SH3D19: variants seen among roughly 807,000 people sequenced by gnomAD.
The protein encoded by SH3D19 is SH3 domain containing 19.
Under a neutral mutation model 112.1 loss-of-function variants are expected in SH3D19, and 58 were observed. That is an observed-to-expected ratio of 0.52 (90% CI 0.42 to 0.64). The LOEUF is 0.64. Ranked by LOEUF, SH3D19 falls within the 30% of genes least tolerant of loss-of-function variation. The pLI is 0.00. For synonymous variants in SH3D19, 391 were observed against 448.5 expected (o/e 0.87, Z 1.62); for missense variants, 1,090 against 1,263.4 (o/e 0.86, Z 2.08).
At chr4:151,301,204 CAG>C (rs1728381009) in intron 1 of SH3D19, among the ~76,000 whole-genome samples, 1 of 152,202 alleles carries the variant, frequency 6.6e-6, no homozygotes, top group South Asian at 2.1e-4. Flanking sequence ...GTTCTCACAA[CAG>C]AGTTCTCGTG....
At chr4:151,309,933 T>G (rs1729278215) in intron 1 of SH3D19, among the ~76,000 whole-genome samples, 1 of 152,078 alleles carries the variant, frequency 6.6e-6, no homozygotes, top group South Asian at 2.1e-4. Context: ...AAGGCTATAG[T>G]GAGCAGAGAT....
At chr4:151,223,265 C>T (rs1158306864) in intron 2 of SH3D19, among the ~76,000 whole-genome samples, 1 of 151,786 alleles carries the variant, frequency 6.6e-6, no homozygotes, top group Non-Finnish European at 1.5e-5. Context: ...GTTTTAGCTG[C>T]CACTGATGAT....
intron 15 of SH3D19, among the ~76,000 whole-genome samples, 160 bp downstream of exon 15, chr4:151,134,914 C>A (rs886779168): frequency 1.3e-5 from 2 of 152,138 alleles, no homozygotes; most frequent in Non-Finnish European, 2.9e-5. Flanking sequence ...TCTTGAACTC[C>A]TGGCATCAAG....
intron 1 of SH3D19, among the ~76,000 whole-genome samples, chr4:151,265,580 T>C (rs1580357102): frequency 6.8e-6 from 1 of 147,456 alleles, no homozygotes; most frequent in African/African-American, 2.5e-5. Context: ...TTTTTTTTTT[T>C]TTTTTTTTTT....
chr4:151,208,949 T>C (rs1453625943), intron 2 of SH3D19, among the ~76,000 whole-genome samples: 1 of 152,150 alleles, frequency 6.6e-6, no homozygotes, highest in Non-Finnish European at 1.5e-5. Context: ...AGTGCTGGGA[T>C]TACAGGCTTG....
Position 151,175,213 on chromosome 4 carries a change from C to T in SH3D19, c.991G>A (p.Gly331Arg). 1 of 1,614,176 alleles carries T rather than the reference C, an allele frequency of 6.2e-7. No individual in the cohort carries two copies. Among genetic ancestry groups the T allele is most frequent in the South Asian group, 1.1e-5 (1 of 91,078 alleles). The change falls in exon 7 of 20, where the codon GGG becomes AGG. Residue 331 changes from glycine (G) to arginine (R), a missense_variant. By Grantham distance (125) the Gly-to-Arg change is moderately radical (BLOSUM62 -2). Transcript: ENST00000604030. ...GGTTTGGGAGCTACAGAAGGTTTCC[C>T]TGAGGAAACAGTAGGCTTTGGAGGA... ...SLPPKPTVSS[G>R]KPSVAPKPAA...
At chr4:151,134,712 G>A (rs1305185271) in intron 15 of SH3D19, among the ~76,000 whole-genome samples, 2 of 152,138 alleles carry the variant, frequency 1.3e-5, no homozygotes, top group African/African-American at 4.8e-5. Flanking sequence ...AGTTGCTTAG[G>A]TAAGCTTCTA....
intron 1 of SH3D19, among the ~76,000 whole-genome samples, chr4:151,241,245 T>G (rs1770531172): frequency 6.6e-6 from 1 of 151,976 alleles, no homozygotes; most frequent in Non-Finnish European, 1.5e-5. Context: ...TGAGCTATGA[T>G]TGTGCCACTG....
At chr4:151,316,024 G>A (rs1729950784) in intron 1 of SH3D19, among the ~76,000 whole-genome samples, 1 of 152,022 alleles carries the variant, frequency 6.6e-6, no homozygotes, top group South Asian at 2.1e-4. Context: ...GAGAGTGGAC[G>A]CCAATGCCAA....
At chr4:151,204,326 A>G (rs962069530) in intron 2 of SH3D19, among the ~76,000 whole-genome samples, 4 of 152,246 alleles carry the variant, frequency 2.6e-5, no homozygotes, top group African/African-American at 9.6e-5. Context: ...ATACAAAGAC[A>G]GAATATTTGG....
intron 2 of SH3D19, among the ~76,000 whole-genome samples, chr4:151,194,016 A>ATTTTTTTTTTTTTTTTTTTTTT: frequency 1.8e-5 from 2 of 111,896 alleles, no homozygotes; most frequent in African/African-American, 8.9e-5. Flanking sequence ...AGTAGGATTA[A>ATTTTTTTTTTTTTTTTTTTTTT]TTTTTTTTTT....
chr4:151,229,495 A>ATC (rs2149954742), intron 1 of SH3D19, among the ~76,000 whole-genome samples: 1 of 152,236 alleles, frequency 6.6e-6, no homozygotes, highest in East Asian at 1.9e-4. Flanking sequence ...ATAGATATGT[A>ATC]TCACACACAC....
intron 19 of SH3D19, among the ~76,000 whole-genome samples, chr4:151,122,847 C>CTTTTT (rs760704406): frequency 4.1e-5 from 5 of 120,836 alleles, no homozygotes; most frequent in Non-Finnish European, 6.8e-5. Flanking sequence ...ATTTTAGAGA[C>CTTTTT]TTTTTTTTTT....
intron 2 of SH3D19, among the ~76,000 whole-genome samples, chr4:151,210,100 C>G (rs1380719745): frequency 6.6e-6 from 1 of 152,052 alleles, no homozygotes; most frequent in East Asian, 1.9e-4. Flanking sequence ...GAATGCAACC[C>G]TTCATGAAGA....
chr4:151,293,389 C>T (rs945586233), intron 1 of SH3D19, among the ~76,000 whole-genome samples: 1 of 151,128 alleles, frequency 6.6e-6, no homozygotes, highest in Non-Finnish European at 1.5e-5. Context: ...AGGAGAATGG[C>T]GTGAACCTGG....
chr4:151,197,129 G>C (rs1277235615), intron 2 of SH3D19, among the ~76,000 whole-genome samples: 1 of 152,012 alleles, frequency 6.6e-6, no homozygotes, highest in African/African-American at 2.4e-5. Context: ...ATTTGATCCA[G>C]CAATCCCACT....
At chr4:151,230,121 T>C (rs1769489866) in intron 1 of SH3D19, among the ~76,000 whole-genome samples, 1 of 152,202 alleles carries the variant, frequency 6.6e-6, no homozygotes, top group Non-Finnish European at 1.5e-5. Context: ...CACATTTTCC[T>C]TTCATGTCAA....
chr4:151,238,694 C>T (rs1469922129), intron 1 of SH3D19, among the ~76,000 whole-genome samples: 2 of 152,002 alleles, frequency 1.3e-5, no homozygotes. Context: ...TGACTTCTAA[C>T]TGAGATTTTT....
chr4:151,159,608 C>T (rs1045813518), intron 8 of SH3D19, among the ~76,000 whole-genome samples: 1 of 152,120 alleles, frequency 6.6e-6, no homozygotes, highest in Non-Finnish European at 1.5e-5. Flanking sequence ...TGTTGAGAAC[C>T]TTTTATGTGC....
Sources: allele counts gnomAD v4.1 joint callset (sites outside exome capture counted in the v4.1 genomes callset), GRCh38; gene constraint gnomAD v4.1.1; transcripts MANE v1.5; gene names NCBI Gene and HGNC (gene_info 2026-07-23, HGNC 2026-07-21).